The following UGT1A3 variants were observed in gnomAD, a reference collection of about 807,000 sequenced individuals.
The protein encoded by UGT1A3 is UDP glucuronosyltransferase family 1 member A3.
Under a neutral mutation model 41.0 loss-of-function variants are expected in UGT1A3, and 31 were observed. That is an observed-to-expected ratio of 0.76 (90% CI 0.57 to 1.02). UGT1A3 has a LOEUF of 1.02. Among genes scored for constraint, UGT1A3 ranks in the 50% least tolerant of loss-of-function variants. UGT1A3 has a pLI of 0.00. For missense variants in UGT1A3, 737 were observed against 671.0 expected (o/e 1.10, Z -1.09); for synonymous variants, 262 against 257.6 (o/e 1.02, Z -0.17).
chr2:233,762,045 A>C (rs187851388), intron 1 of UGT1A3, among the ~76,000 whole-genome samples: 1 of 151,840 alleles, frequency 6.6e-6, no homozygotes, highest in African/African-American at 2.4e-5. Flanking sequence ...TTTTCTGTGC[A>C]TTTTCCTTCA....
At position 233,749,056 on chromosome 2, in the gene UGT1A3, A is replaced by T. The variant is rs140417619; in HGVS notation, c.868-17978A>T. Among the ~76,000 whole-genome samples, 122 of 151,804 alleles carry T rather than the reference A, an allele frequency of 8.0e-4. 1 individual carries two copies. Among genetic ancestry groups the T allele is most frequent in the African/African-American group, 2.8e-3 (116 of 41,130 alleles). On this transcript the variant is annotated intron_variant, in intron 1 of 4. Transcript: ENST00000482026. ...CATTGATGTGGTACTCTGGGACCTG[A>T]ATATTGTTTCTTATTCCTTGGTGTG... is the stretch of plus-strand genomic sequence containing the variant.
At chr2:233,754,951 G>A (rs769037573) in intron 1 of UGT1A3, 2 of 1,320,818 alleles carry the variant, frequency 1.5e-6, no homozygotes, top group Non-Finnish European at 2.0e-6. Context: ...AATGGGTCCC[G>A]GCCGCCAAAG....
intron 1 of UGT1A3, among the ~76,000 whole-genome samples, chr2:233,733,920 G>C (rs2078453813): frequency 1.3e-5 from 2 of 151,954 alleles, no homozygotes; most frequent in Non-Finnish European, 1.5e-5. Context: ...GAATTCGGCT[G>C]TGAGGAAGGG....
At chr2:233,747,818 A>C in intron 1 of UGT1A3, 1 of 1,613,506 alleles carries the variant, frequency 6.2e-7, no homozygotes, top group Non-Finnish European at 8.5e-7. Flanking sequence ...CGACCAATTC[A>C]GACCACATGA....
intron 1 of UGT1A3, among the ~76,000 whole-genome samples, chr2:233,751,937 A>C (rs539080816): frequency 5.9e-5 from 9 of 152,318 alleles, no homozygotes; most frequent in African/African-American, 1.9e-4. Context: ...GATTGAAGTT[A>C]TACTGAAAGG....
At chr2:233,763,150 C>G (rs1298092077) in intron 1 of UGT1A3, among the ~76,000 whole-genome samples, 1 of 152,214 alleles carries the variant, frequency 6.6e-6, no homozygotes, top group Non-Finnish European at 1.5e-5. Context: ...CCATAAAAGT[C>G]TAAGTGGTGA....
At chr2:233,757,428 A>G (rs987166652) in intron 1 of UGT1A3, among the ~76,000 whole-genome samples, 8 of 151,196 alleles carry the variant, frequency 5.3e-5, no homozygotes, top group South Asian at 2.1e-4. Flanking sequence ...AAGAGAAGAA[A>G]AGTCACTTCT....
intron 1 of UGT1A3, chr2:233,740,801 T>C (rs1183144283): frequency 3.3e-5 from 5 of 152,052 alleles, no homozygotes; most frequent in African/African-American, 1.2e-4. Context: ...TAACAGGCTC[T>C]AGCACTGTTC....
chr2:233,734,138 TG>T (rs2078490713), intron 1 of UGT1A3, among the ~76,000 whole-genome samples: 1 of 152,142 alleles, frequency 6.6e-6, no homozygotes, highest in Non-Finnish European at 1.5e-5. Flanking sequence ...AATTTGGCTG[TG>T]AATCCATCTG....
chr2:233,730,164 C>T (rs556230722), intron 1 of UGT1A3, among the ~76,000 whole-genome samples, 171 bp downstream of exon 1: 9 of 152,110 alleles, frequency 5.9e-5, no homozygotes, highest in Admixed American at 1.3e-4. Context: ...TCTCTAGTAG[C>T]GTATTTCAGG....
chr2:233,747,040 A>T (rs1268606849), intron 1 of UGT1A3, among the ~76,000 whole-genome samples: 1 of 151,966 alleles, frequency 6.6e-6, no homozygotes, highest in Admixed American at 6.5e-5. Context: ...GGGACCCATA[A>T]TGAAAGACAA....
In UGT1A3 at chr2:233,729,464, G is replaced by T; in HGVS notation, c.338G>T (p.Ser113Ile). The stretch of plus-strand genomic sequence containing the variant: ...CATTTTCTGAAGAAATTTTTCAGAA[G>T]TATGGCAATGTTGAACAATATGTCT... ...TEHFLKKFFR[S>I]MAMLNNMSLV... Residue 113 changes from serine to isoleucine, a missense_variant, in exon 1 of 5, where the codon AGT (serine) becomes ATT (isoleucine). Physicochemically the swap from Ser to Ile is moderately radical, Grantham distance 142. Transcript: ENST00000482026. 6.2e-7 allele frequency: 1 copy of T among 1,614,158 alleles called. No homozygotes were observed. Among genetic ancestry groups the T allele is most frequent in the Non-Finnish European group, 8.5e-7 (1 of 1,180,010 alleles).
At chr2:233,753,795 C>G (rs760622704) in intron 1 of UGT1A3, 1 of 152,194 alleles carries the variant, frequency 6.6e-6, no homozygotes, top group African/African-American at 2.4e-5. Flanking sequence ...TTTCCAGGAC[C>G]TACCATAGTT....
intron 1 of UGT1A3, among the ~76,000 whole-genome samples, chr2:233,761,874 G>A (rs569608885): frequency 2.0e-5 from 3 of 152,320 alleles, no homozygotes; most frequent in East Asian, 1.9e-4. Context: ...TTCAGAGAGC[G>A]TTCATTCACT....
intron 1 of UGT1A3, chr2:233,760,236 A>G: frequency 1.3e-6 from 2 of 1,590,176 alleles, no homozygotes; most frequent in Non-Finnish European, 1.7e-6. Context: ...TTTTTGCCAT[A>G]TATATATATA....
At chr2:233,766,233 G>A (rs1441393259) in intron 1 of UGT1A3, among the ~76,000 whole-genome samples, 4 of 152,090 alleles carry the variant, frequency 2.6e-5, no homozygotes, top group African/African-American at 9.7e-5. Context: ...AATGGGAAGG[G>A]TTTCCCCTGG....
At position 233,768,314 on chromosome 2, in the gene UGT1A3, G is replaced by T. The variant is rs1430980091; in HGVS notation, c.1182G>T (p.Leu394Phe). The T allele has an allele frequency of 6.2e-7, 1 of 1,614,062 alleles. No individual in the cohort carries two copies. The highest frequency in any genetic ancestry group is 8.5e-7 in the Non-Finnish European group (1 of 1,180,048). Residue 394 changes from leucine (L) to phenylalanine (F), a missense_variant, in exon 4 of 5, where the codon TTG becomes TTT. Leu to Phe is a conservative substitution (Grantham distance 22). Transcript: ENST00000482026. ...CNGVPMVMMP[L>F]FGDQMDNAKR... is the part of the protein sequence containing the mutation. ...GCGTTCCCATGGTGATGATGCCCTT[G>T]TTTGGTGATCAGATGGACAATGCAA...
intron 1 of UGT1A3, among the ~76,000 whole-genome samples, chr2:233,750,971 T>TG (rs1694602658): frequency 6.6e-6 from 1 of 151,624 alleles, no homozygotes; most frequent in South Asian, 2.1e-4. Flanking sequence ...CACTGCCTAG[T>TG]GGAGTTGTGA....
intron 1 of UGT1A3, among the ~76,000 whole-genome samples, chr2:233,739,507 G>A (rs1269718044): frequency 2.0e-5 from 3 of 152,272 alleles, no homozygotes; most frequent in African/African-American, 7.2e-5. Flanking sequence ...TGATCTAGAT[G>A]TGAGACATGA....
Sources: gnomAD v4.1 joint callset for allele counts (sites outside exome capture counted in the v4.1 genomes callset) on GRCh38, gnomAD v4.1.1 for gene constraint, MANE v1.5 for transcripts, NCBI Gene and HGNC (gene_info 2026-07-23, HGNC 2026-07-21) for gene names.